The following LRRC4C variants were observed in gnomAD, a reference collection of about 807,000 sequenced individuals.
LRRC4C encodes the protein leucine rich repeat containing 4C, also known as leucine-rich repeat-containing protein 4C.
In LRRC4C, 5 loss-of-function variants were observed where a neutral mutation model predicts 33.6. The observed-to-expected ratio is 0.15, with a 90% CI of 0.08 to 0.31. The LOEUF is 0.31. LRRC4C is among the 10% of genes least tolerant of loss of function. The pLI, the probability that LRRC4C is intolerant of heterozygous loss-of-function variation, is 1.00. For synonymous variants in LRRC4C, 329 were observed against 302.0 expected (o/e 1.09, Z -0.93); for missense variants, 560 against 796.7 (o/e 0.70, Z 3.58).
intron 1 of LRRC4C, among the ~76,000 whole-genome samples, chr11:41,340,136 TC>T (rs1951582067): frequency 6.6e-6 from 1 of 152,340 alleles, no homozygotes; most frequent in Admixed American, 6.5e-5. Context: ...GTTTCGCTCA[TC>T]TTTTTTACAG....
chr11:40,911,042 T>C (rs1474216471), intron 2 of LRRC4C, among the ~76,000 whole-genome samples: 2 of 152,174 alleles, frequency 1.3e-5, no homozygotes, highest in African/African-American at 4.8e-5. Context: ...TAAACAAAGC[T>C]GCTGGGAAGC....
intron 2 of LRRC4C, among the ~76,000 whole-genome samples, chr11:40,803,986 T>C (rs1002453538): frequency 6.6e-6 from 1 of 152,234 alleles, no homozygotes; most frequent in Admixed American, 6.5e-5. Context: ...AGTCACTCTG[T>C]TGTACTATCA....
chr11:41,213,500 T>C (rs2136328902), intron 1 of LRRC4C, among the ~76,000 whole-genome samples: 1 of 152,326 alleles, frequency 6.6e-6, no homozygotes, highest in Non-Finnish European at 1.5e-5. Context: ...AATATAACTG[T>C]ATGTCTAGGT....
At chr11:40,571,477 GTA>G (rs1957981438) in intron 3 of LRRC4C, among the ~76,000 whole-genome samples, 1 of 152,100 alleles carries the variant, frequency 6.6e-6, no homozygotes, top group East Asian at 1.9e-4. Context: ...ATTCCCATCA[GTA>G]TATAGCTGGA....
At chr11:40,947,664 A>G (rs1958466239) in intron 1 of LRRC4C, among the ~76,000 whole-genome samples, 2 of 152,020 alleles carry the variant, frequency 1.3e-5, no homozygotes, top group South Asian at 2.1e-4. Context: ...ACGTGTACAG[A>G]TCTCTGGAGT....
At chr11:41,163,300 T>TTTTTTTTTTTTTTG (rs1944564171) in intron 1 of LRRC4C, among the ~76,000 whole-genome samples, 1 of 139,748 alleles carries the variant, frequency 7.2e-6, no homozygotes, top group Admixed American at 7.3e-5. Context: ...TTTTTTTTTT[T>TTTTTTTTTTTTTTG]TCAAACAGGG....
At chr11:40,379,328 T>C (rs1358028054) in intron 3 of LRRC4C, among the ~76,000 whole-genome samples, 1 of 152,090 alleles carries the variant, frequency 6.6e-6, no homozygotes, top group Non-Finnish European at 1.5e-5. Context: ...TTAATTAGGC[T>C]TCGTCTAGGC....
At chr11:40,716,267 T>C (rs1385611600) in intron 2 of LRRC4C, among the ~76,000 whole-genome samples, 1 of 152,164 alleles carries the variant, frequency 6.6e-6, no homozygotes, top group Admixed American at 6.5e-5. Context: ...GGGTGGTAGA[T>C]ACATGAGTTT....
At chr11:40,833,383 G>T (rs757933578) in intron 2 of LRRC4C, among the ~76,000 whole-genome samples, 1 of 151,942 alleles carries the variant, frequency 6.6e-6, no homozygotes, top group Non-Finnish European at 1.5e-5. Context: ...GTTAAAAAAA[G>T]GTAAAATTAA....
intron 3 of LRRC4C, among the ~76,000 whole-genome samples, chr11:40,518,233 T>A (rs1296628323): frequency 6.6e-6 from 1 of 152,052 alleles, no homozygotes; most frequent in Non-Finnish European, 1.5e-5. Flanking sequence ...CCAAAAGCAA[T>A]GGCAACAAAA....
chr11:40,345,344 A>G (rs1469770200), intron 3 of LRRC4C, among the ~76,000 whole-genome samples: 1 of 152,184 alleles, frequency 6.6e-6, no homozygotes, highest in Non-Finnish European at 1.5e-5. Flanking sequence ...CTGGTACAAA[A>G]ACAGTTACAT....
At chr11:40,610,486 A>G (rs922139889) in intron 3 of LRRC4C, among the ~76,000 whole-genome samples, 6 of 151,832 alleles carry the variant, frequency 4.0e-5, no homozygotes, top group African/African-American at 1.4e-4. Context: ...GCCCACTCTC[A>G]CCACATCTAT....
intron 1 of LRRC4C, among the ~76,000 whole-genome samples, chr11:41,045,077 A>T (rs2138039483): frequency 6.6e-6 from 1 of 151,686 alleles, no homozygotes; most frequent in Non-Finnish European, 1.5e-5. Context: ...CTCATCACTG[A>T]TTTTTTTTCT....
At chr11:40,247,503 T>C (rs1420433582) in intron 4 of LRRC4C, among the ~76,000 whole-genome samples, 2 of 152,176 alleles carry the variant, frequency 1.3e-5, no homozygotes, top group Non-Finnish European at 2.9e-5. Flanking sequence ...GAGATAACAT[T>C]ATACCCATTT....
At chr11:41,190,650 GT>G (rs1341261915) in intron 1 of LRRC4C, among the ~76,000 whole-genome samples, 1 of 152,084 alleles carries the variant, frequency 6.6e-6, no homozygotes, top group Non-Finnish European at 1.5e-5. Context: ...GCTCGGCTGC[GT>G]ACATTTGTGT....
At chr11:41,371,335 T>G (rs973570400) in intron 1 of LRRC4C, among the ~76,000 whole-genome samples, 11 of 152,240 alleles carry the variant, frequency 7.2e-5, no homozygotes, top group Admixed American at 2.6e-4. Flanking sequence ...CAAAATCTTT[T>G]AAGTGCTGGG....
intron 3 of LRRC4C, among the ~76,000 whole-genome samples, chr11:40,530,246 C>G (rs80320891): frequency 3.3e-5 from 5 of 151,970 alleles, no homozygotes; most frequent in Admixed American, 2.6e-4. Context: ...AATATAATAT[C>G]CAATTAAGCA....
intron 3 of LRRC4C, among the ~76,000 whole-genome samples, chr11:40,614,463 C>T (rs2861925): frequency 0.45 from 68,559 of 151,506 alleles, 16,691 homozygotes; most frequent in Middle Eastern, 0.59. Flanking sequence ...GGTTTGATCT[C>T]CTGTCCAGGC....
intron 3 of LRRC4C, among the ~76,000 whole-genome samples, chr11:40,561,518 T>C (rs1339334734): frequency 6.7e-6 from 1 of 149,830 alleles, no homozygotes; most frequent in Non-Finnish European, 1.5e-5. Flanking sequence ...GTTCACGCTA[T>C]TCTCCTGCCT....
Sources: allele counts gnomAD v4.1 joint callset (sites outside exome capture counted in the v4.1 genomes callset), GRCh38; gene constraint gnomAD v4.1.1; transcripts MANE v1.5; gene names NCBI Gene and HGNC (gene_info 2026-07-23, HGNC 2026-07-21).